The following PDE4B variants were observed in gnomAD, a reference collection of about 807,000 sequenced individuals.
PDE4B encodes the protein 3',5'-cyclic-AMP phosphodiesterase 4B.
PDE4B carries 20 observed loss-of-function variants against 82.2 expected under a neutral mutation model. The observed-to-expected ratio is 0.24, with a 90% CI of 0.17 to 0.35. The LOEUF is 0.35. Ranked by LOEUF, PDE4B falls within the 10% of genes least tolerant of loss-of-function variation. The pLI is 1.00. For missense variants in PDE4B, 655 were observed against 907.2 expected (o/e 0.72, Z 3.57); for synonymous variants, 320 against 318.9 (o/e 1.00, Z -0.04).
chr1:66,220,103 C>T (rs1650850574), intron 3 of PDE4B, among the ~76,000 whole-genome samples: 1 of 147,052 alleles, frequency 6.8e-6, no homozygotes, highest in African/African-American at 2.5e-5. Flanking sequence ...ACAGGACAAA[C>T]TAAGTAAAAG....
chr1:65,929,070 A>G (rs1647679641), intron 3 of PDE4B, among the ~76,000 whole-genome samples: 1 of 152,040 alleles, frequency 6.6e-6, no homozygotes, highest in Non-Finnish European at 1.5e-5. Flanking sequence ...GCACCTCCTC[A>G]TGGGTCACAC....
chr1:65,958,970 G>A (rs1384935977), intron 3 of PDE4B, among the ~76,000 whole-genome samples: 2 of 152,186 alleles, frequency 1.3e-5, no homozygotes, highest in African/African-American at 2.4e-5. Context: ...TTAAATTTGA[G>A]TGTGTTCTGT....
chr1:66,184,160 C>T (rs150465694), intron 3 of PDE4B, among the ~76,000 whole-genome samples: 2 of 152,160 alleles, frequency 1.3e-5, no homozygotes, highest in East Asian at 3.9e-4. Context: ...AATAATGAGA[C>T]ATTTAAATGC....
chr1:66,006,015 A>G (rs1377131795), intron 3 of PDE4B, among the ~76,000 whole-genome samples: 1 of 152,248 alleles, frequency 6.6e-6, no homozygotes, highest in African/African-American at 2.4e-5. Flanking sequence ...TTTCTGCAAA[A>G]TAACATGGCA....
intron 3 of PDE4B, among the ~76,000 whole-genome samples, chr1:66,205,775 A>G (rs1649496627): frequency 1.3e-5 from 2 of 152,236 alleles, no homozygotes; most frequent in South Asian, 2.1e-4. Context: ...AGAAAGGAAC[A>G]TTCACTAAAA....
chr1:66,185,275 A>G lies in PDE4B; in HGVS notation c.282-62185A>G, dbSNP rs1647162691. Among the ~76,000 whole-genome samples, 3 of 152,184 alleles carry G rather than the reference A, an allele frequency of 2.0e-5. No individual in the cohort carries two copies. In the South Asian group the frequency reaches 6.2e-4, roughly 32 times the overall value. On this transcript the variant is annotated intron_variant, in intron 3 of 16. Transcript: ENST00000341517. ...TTTGGGTTGGTTCCAAATCTTTGCTATTGTGAATAGTGCCGCAATAAACAT... is the reference window on the plus strand; with the variant it reads ...TTTGGGTTGGTTCCAAATCTTTGCTGTTGTGAATAGTGCCGCAATAAACAT...
At chr1:66,252,977 G>A (rs1466311335) in intron 4 of PDE4B, among the ~76,000 whole-genome samples, 2 of 152,010 alleles carry the variant, frequency 1.3e-5, no homozygotes, top group Admixed American at 6.6e-5. Context: ...TAAAATAATC[G>A]TTAAGTTGAG....
At chr1:66,282,271 G>A (rs756406062) in intron 7 of PDE4B, among the ~76,000 whole-genome samples, 25 of 152,230 alleles carry the variant, frequency 1.6e-4, no homozygotes, top group Non-Finnish European at 2.8e-4. Flanking sequence ...GGAGGTGGCA[G>A]TGTCTTCCTC....
chr1:66,211,887 C>T (rs555283096), intron 3 of PDE4B, among the ~76,000 whole-genome samples: 3 of 152,318 alleles, frequency 2.0e-5, no homozygotes, highest in South Asian at 2.1e-4. Context: ...GATATTCTTA[C>T]CCAGTGTGAA....
intron 3 of PDE4B, among the ~76,000 whole-genome samples, chr1:66,091,572 T>A (rs1342838297): frequency 6.6e-6 from 1 of 152,090 alleles, no homozygotes; most frequent in East Asian, 1.9e-4. Flanking sequence ...AGGATCCTTT[T>A]TCCATCTCTT....
At chr1:65,965,309 C>T (rs560972645) in intron 3 of PDE4B, among the ~76,000 whole-genome samples, 1 of 152,168 alleles carries the variant, frequency 6.6e-6, no homozygotes, top group South Asian at 2.1e-4. Context: ...TTCAGCTTTG[C>T]ATAGTCTGTG....
In PDE4B at chr1:65,960,076, T is replaced by A. The variant is rs559034201; in HGVS notation, c.281+41241T>A. Among the ~76,000 whole-genome samples, 4 of 152,322 alleles carry A rather than the reference T, an allele frequency of 2.6e-5. No homozygotes were observed. The South Asian group carries it at 8.3e-4, about 32-fold the overall frequency. ...AATGCTTTGTAAAGTCTACATTTTATTATTGCATTTGCTATTTTTAGCTCT... is the reference window on the plus strand; with the variant it reads ...AATGCTTTGTAAAGTCTACATTTTAATATTGCATTTGCTATTTTTAGCTCT... On this transcript the variant is annotated intron_variant, in intron 3 of 16. Transcript: ENST00000341517.
chr1:66,030,663 T>A (rs1273015859), intron 3 of PDE4B, among the ~76,000 whole-genome samples: 4 of 152,242 alleles, frequency 2.6e-5, no homozygotes, highest in African/African-American at 9.6e-5. Flanking sequence ...TACACCCATA[T>A]GTTCATCGCA....
At chr1:65,961,922 G>A (rs937983221) in intron 3 of PDE4B, among the ~76,000 whole-genome samples, 1 of 152,130 alleles carries the variant, frequency 6.6e-6, no homozygotes, top group African/African-American at 2.4e-5. Flanking sequence ...AGTTAAGTGC[G>A]GCTGAAGAGT....
intron 3 of PDE4B, among the ~76,000 whole-genome samples, chr1:65,939,581 G>T (rs1648334095): frequency 6.6e-6 from 1 of 152,068 alleles, no homozygotes; most frequent in Non-Finnish European, 1.5e-5. Context: ...AATACTGGGG[G>T]AGATATACAG....
chr1:66,106,549 C>T (rs1348366674), intron 3 of PDE4B, among the ~76,000 whole-genome samples: 1 of 150,150 alleles, frequency 6.7e-6, no homozygotes, highest in Admixed American at 6.6e-5. Context: ...TAGAATTCGG[C>T]TGTGAATCCA....
intron 9 of PDE4B, among the ~76,000 whole-genome samples, chr1:66,359,509 C>T (rs1662580618): frequency 6.6e-6 from 1 of 152,138 alleles, no homozygotes; most frequent in Non-Finnish European, 1.5e-5. Context: ...AGGGAAACAC[C>T]CATTAATGTC....
chr1:65,838,649 A>G lies in PDE4B; in HGVS notation c.-71+45401A>G, dbSNP rs575697150. Among the ~76,000 whole-genome samples the G allele has an allele frequency of 6.7e-5, 10 of 149,784 alleles. No individual in the cohort carries two copies. The East Asian group carries it at 1.9e-3, about 29-fold the overall frequency. On this transcript the variant is annotated intron_variant, in intron 1 of 16. Transcript: ENST00000341517. ...TGTGTGTATATATATACATATACATATATATATGTTTTTTTCCTCCCATTT... is the reference window on the plus strand; with the variant it reads ...TGTGTGTATATATATACATATACATGTATATATGTTTTTTTCCTCCCATTT...
chr1:65,949,051 A>C (rs1648859063), intron 3 of PDE4B, among the ~76,000 whole-genome samples: 1 of 152,030 alleles, frequency 6.6e-6, no homozygotes, highest in Non-Finnish European at 1.5e-5. Context: ...TTGCTGACTC[A>C]TTCTGAACTT....
Sources: gnomAD v4.1 joint callset for allele counts (sites outside exome capture counted in the v4.1 genomes callset) on GRCh38, gnomAD v4.1.1 for gene constraint, MANE v1.5 for transcripts, NCBI Gene and HGNC (gene_info 2026-07-23, HGNC 2026-07-21) for gene names.